Variants in NPW observed in about 807,000 individuals in gnomAD.
NPW encodes the protein neuropeptide W, also known as prepro-neuropeptide W.
In NPW, 8 loss-of-function variants were observed where a neutral mutation model predicts 9.9. That is an observed-to-expected ratio of 0.81 (90% CI 0.47 to 1.46). NPW has a LOEUF of 1.46. Ranked by LOEUF, NPW falls within the 40% of genes most tolerant of loss-of-function variation. The pLI, the probability that NPW is intolerant of heterozygous loss-of-function variation, is 0.00. For missense variants in NPW, 287 were observed against 240.3 expected (o/e 1.19, Z -1.28); for synonymous variants, 134 against 119.9 (o/e 1.12, Z -0.77).
chr16:2,020,700 C>G lies in NPW; in HGVS notation c.*81C>G, dbSNP rs1212400862. The G allele has an allele frequency of 2.4e-5, 19 of 787,736 alleles. No homozygotes were observed. In the Admixed American group the frequency reaches 4.2e-4, roughly 18 times the overall value. The allele number at this position is 787,736 out of a possible 1,614,324, so 48.8% of individuals were successfully genotyped here. A position where few individuals can be genotyped will look rare whatever the true frequency, so the allele number is the denominator to read the frequency against. ...CGCGCTTCCAGGAGCCGCTCATAGA[C>G]CCCGCCTGCCGTCCGGTCAATAAAA... is the stretch of plus-strand genomic sequence containing the variant. On this transcript the variant is annotated 3_prime_UTR_variant, in exon 2 of 2. Coordinates refer to ENST00000566435, the MANE Select transcript of NPW (RefSeq NM_001099456.3).
Position 2,019,858 on chromosome 16 carries a change from C to A in NPW, c.-44C>A. ...ACTGCGCGCCCAAACCCAGCCGAGC[C>A]GGTTCGTGGCCCGCCCCGCCGGGCG... On this transcript the variant is annotated 5_prime_UTR_variant, in exon 1 of 2. Transcript: ENST00000566435. 1 of 1,208,626 alleles carries A rather than the reference C, an allele frequency of 8.3e-7. No homozygotes were observed. Among genetic ancestry groups the A allele is most frequent in the Non-Finnish European group, 1.0e-6 (1 of 974,046 alleles). The allele number at this position is 1,208,626 out of a possible 1,614,324, so 74.9% of individuals were successfully genotyped here. A position where few individuals can be genotyped will look rare whatever the true frequency, so the allele number is the denominator to read the frequency against.
rs1050028961 is a variant in NPW at position 2,020,710 on chromosome 16, C to G, written c.*91C>G. The G allele has an allele frequency of 4.2e-6, 3 of 722,824 alleles. No individual in the cohort carries two copies. Among genetic ancestry groups the G allele is most frequent in the Admixed American group, 2.8e-5 (1 of 36,110 alleles). 44.8% of individuals were successfully genotyped at this position (722,824 alleles called of 1,614,324 possible). A position where few individuals can be genotyped will look rare whatever the true frequency, so the allele number is the denominator to read the frequency against. ...GGAGCCGCTCATAGACCCCGCCTGC[C>G]GTCCGGTCAATAAAATCCGCCTGAC... is the stretch of plus-strand genomic sequence containing the variant. On this transcript the variant is annotated 3_prime_UTR_variant, in exon 2 of 2. Transcript: ENST00000566435.
In NPW at chr16:2,020,630, C is replaced by T. The variant is rs1218573724; in HGVS notation, c.*11C>T. ...CCCGGACCGTTCTGACAGCGTCCCCCGCCCGCCCGTGGCGCCTCCGCGCCT... is the reference window on the plus strand; with the variant it reads ...CCCGGACCGTTCTGACAGCGTCCCCTGCCCGCCCGTGGCGCCTCCGCGCCT... On this transcript the variant is annotated 3_prime_UTR_variant, in exon 2 of 2. Coordinates refer to ENST00000566435, the MANE Select transcript of NPW (RefSeq NM_001099456.3). 1.9e-6 allele frequency: 3 copies of T among 1,559,932 alleles called. No homozygotes were observed. Among genetic ancestry groups the T allele is most frequent in the Non-Finnish European group, 2.6e-6 (3 of 1,140,252 alleles).
In NPW at chr16:2,020,208, C is replaced by T; in HGVS notation, c.307C>T (p.Arg103Cys). The T allele has an allele frequency of 6.3e-7, 1 of 1,594,956 alleles. No individual in the cohort carries two copies. The highest frequency in any genetic ancestry group is 8.5e-7 in the Non-Finnish European group (1 of 1,174,160). Reference sequence around the variant, plus strand: ...GGTTCAGGAGCTGTGGGAGACGCGACGCAGGAGCTCCCAGGCAGGGATCCC... The same window carrying T: ...GGTTCAGGAGCTGTGGGAGACGCGATGCAGGAGCTCCCAGGCAGGGATCCC... The change falls in exon 1 of 2, where the codon CGC becomes TGC. Residue 103 changes from arginine (R) to cysteine (C), a missense_variant. Arg to Cys is a radical substitution (Grantham distance 180). Coordinates refer to ENST00000566435, the MANE Select transcript of NPW (RefSeq NM_001099456.3).
rs765418169 is a variant in NPW at position 2,020,082 on chromosome 16, C to G, written c.181C>G (p.Leu61Val). ...CATGGGGCTGCGTCGCTCACCCTAT[C>G]TGTGGCGCCGCGCGCTGCGCGCGGC... The change falls in exon 1 of 2, where the codon CTG becomes GTG. Residue 61 changes from leucine (L) to valine (V), a missense_variant. Physicochemically the swap from Leu to Val is conservative, Grantham distance 32 (BLOSUM62 1). Transcript: ENST00000566435. 6.7e-6 allele frequency: 10 copies of G among 1,500,204 alleles called. No homozygotes were observed. Among genetic ancestry groups the G allele is most frequent in the South Asian group, 6.2e-5 (5 of 80,446 alleles). The allele number at this position is 1,500,204 out of a possible 1,614,324, so 92.9% of individuals were successfully genotyped here. A position where few individuals can be genotyped will look rare whatever the true frequency, so the allele number is the denominator to read the frequency against.
At position 2,020,214 on chromosome 16, in the gene NPW, A is replaced by G. The variant is rs1486962865; in HGVS notation, c.313A>G (p.Ser105Gly). The G allele has an allele frequency of 6.3e-7, 1 of 1,593,532 alleles. No homozygotes were observed. Among genetic ancestry groups the G allele is most frequent in the Non-Finnish European group, 8.5e-7 (1 of 1,173,508 alleles). Residue 105 changes from serine (S) to glycine (G), a missense_variant, in exon 1 of 2, where the codon AGC (serine) becomes GGC (glycine). Coordinates refer to ENST00000566435, the MANE Select transcript of NPW (RefSeq NM_001099456.3). Reference sequence around the variant, plus strand: ...GGAGCTGTGGGAGACGCGACGCAGGAGCTCCCAGGCAGGGATCCCCGTCCG... The same window carrying G: ...GGAGCTGTGGGAGACGCGACGCAGGGGCTCCCAGGCAGGGATCCCCGTCCG...
Position 2,020,660 on chromosome 16 carries a change from C to G in NPW, c.*41C>G, listed in dbSNP as rs761414696. ...GCCCGTGGCGCCTCCGCGCCTGACC[C>G]AGGAGGAGTGGCCGCGCGCTTCCAG... On this transcript the variant is annotated 3_prime_UTR_variant, in exon 2 of 2. Transcript: ENST00000566435. 1 of 1,342,598 alleles carries G rather than the reference C, an allele frequency of 7.4e-7. No individual in the cohort carries two copies. The highest frequency in any genetic ancestry group is 1.0e-6 in the Non-Finnish European group (1 of 958,040). 83.2% of individuals were successfully genotyped at this position (1,342,598 alleles called of 1,614,324 possible).
intron 1 of NPW, 42 bp from the exon 2 acceptor site, chr16:2,020,491 G>A: frequency 6.9e-7 from 1 of 1,455,394 alleles, no homozygotes; most frequent in South Asian, 1.2e-5. Context: ...GTGGTTGGAG[G>A]GCCACAGCCT....
In NPW at chr16:2,020,613, G is replaced by C; in HGVS notation, c.492G>C (p.Pro164=). The C allele has an allele frequency of 2.5e-6, 4 of 1,587,990 alleles. No individual in the cohort carries two copies. Among genetic ancestry groups the C allele is most frequent in the Non-Finnish European group, 3.4e-6 (4 of 1,163,224 alleles). ...GCCTGCCCTGCCTGGCCCCCGGACC[G>C]TTCTGACAGCGTCCCCCGCCCGCCC... The change falls in exon 2 of 2, where the codon CCG becomes CCC. Residue 164 remains proline (P), a synonymous_variant. Coordinates refer to ENST00000566435, the MANE Select transcript of NPW (RefSeq NM_001099456.3).
chr16:2,020,659 C>A lies in NPW; in HGVS notation c.*40C>A. On this transcript the variant is annotated 3_prime_UTR_variant, in exon 2 of 2. Coordinates refer to ENST00000566435, the MANE Select transcript of NPW (RefSeq NM_001099456.3). ...CGCCCGTGGCGCCTCCGCGCCTGAC[C>A]CAGGAGGAGTGGCCGCGCGCTTCCA... is the stretch of plus-strand genomic sequence containing the variant. 7.4e-7 allele frequency: 1 copy of A among 1,355,686 alleles called. No homozygotes were observed. The highest frequency in any genetic ancestry group is 1.0e-6 in the Non-Finnish European group (1 of 969,790). The allele number at this position is 1,355,686 out of a possible 1,614,324, so 84.0% of individuals were successfully genotyped here. A position where few individuals can be genotyped will look rare whatever the true frequency, so the allele number is the denominator to read the frequency against.
chr16:2,019,907 G>T lies in NPW; in HGVS notation c.6G>T (p.Ala2=). 5 of 1,243,848 alleles carry T rather than the reference G, an allele frequency of 4.0e-6. No homozygotes were observed. The highest frequency in any genetic ancestry group is 5.0e-6 in the Non-Finnish European group (5 of 995,750). The allele number at this position is 1,243,848 out of a possible 1,614,324, so 77.1% of individuals were successfully genotyped here. Reference sequence around the variant, plus strand: ...CGGCCGTCGACGCGAGCGCCCTGGCGTGGCGCCCAGGGGAGCGGGGGGCTC... The same window carrying T: ...CGGCCGTCGACGCGAGCGCCCTGGCTTGGCGCCCAGGGGAGCGGGGGGCTC... Residue 2 remains alanine, a synonymous_variant, in exon 1 of 2, where the codon GCG becomes GCT. Coordinates refer to ENST00000566435, the MANE Select transcript of NPW (RefSeq NM_001099456.3).
rs1318851603 is a variant in NPW, at chr16:2,020,025, T to C, written c.124T>C (p.Tyr42His). 12 of 1,501,180 alleles carry C rather than the reference T, an allele frequency of 8.0e-6. No homozygotes were observed. Among genetic ancestry groups the C allele is most frequent in the African/African-American group, 1.5e-5 (1 of 68,918 alleles). The allele number at this position is 1,501,180 out of a possible 1,614,324, so 93.0% of individuals were successfully genotyped here. ...GTACAAGCACGTGGCGAGTCCCCGC[T>C]ACCACACGGTGGGCCGCGCCGCTGG... Residue 42 changes from tyrosine to histidine, a missense_variant, in exon 1 of 2, where the codon TAC (tyrosine) becomes CAC (histidine). Coordinates refer to ENST00000566435, the MANE Select transcript of NPW (RefSeq NM_001099456.3).
chr16:2,020,464 C>T, intron 1 of NPW, 69 bp from the exon 2 acceptor site: 1 of 1,377,596 alleles, frequency 7.3e-7, no homozygotes, highest in East Asian at 2.4e-5. Flanking sequence ...CAGGCTCGAC[C>T]CTGGCACCCG....
chr16:2,020,248 G>A lies in NPW; in HGVS notation c.347G>A (p.Arg116Gln). ...GCAGGGATCCCCGTCCGTGCGCCCC[G>A]GAGCCCGCGCGCCCCAGAGCCTGCG... The change falls in exon 1 of 2, where the codon CGG (arginine) becomes CAG (glutamine). Residue 116 changes from arginine (R) to glutamine (Q), a missense_variant. By Grantham distance (43) the Arg-to-Gln change is conservative (BLOSUM62 1). Coordinates refer to ENST00000566435, the MANE Select transcript of NPW (RefSeq NM_001099456.3). 6.4e-7 allele frequency: 1 copy of A among 1,557,764 alleles called. No individual in the cohort carries two copies.
chr16:2,020,054 G>A lies in NPW; in HGVS notation c.153G>A (p.Leu51=), dbSNP rs1286134900. 6.6e-7 allele frequency: 1 copy of A among 1,505,708 alleles called. No homozygotes were observed. Among genetic ancestry groups the A allele is most frequent in the Non-Finnish European group, 8.8e-7 (1 of 1,133,848 alleles). 93.3% of individuals were successfully genotyped at this position (1,505,708 alleles called of 1,614,324 possible). A position where few individuals can be genotyped will look rare whatever the true frequency, so the allele number is the denominator to read the frequency against. The stretch of plus-strand genomic sequence containing the variant: ...ACACGGTGGGCCGCGCCGCTGGCCT[G>A]CTCATGGGGCTGCGTCGCTCACCCT... Residue 51 remains leucine (L), a synonymous_variant, in exon 1 of 2, where the codon CTG becomes CTA. Coordinates refer to ENST00000566435, the MANE Select transcript of NPW (RefSeq NM_001099456.3).
chr16:2,020,163 C>A lies in NPW; in HGVS notation c.262C>A (p.Pro88Thr), dbSNP rs2286471. Residue 88 changes from proline (P) to threonine (T), a missense_variant, in exon 1 of 2, where the codon CCT becomes ACT. By Grantham distance (38) the Pro-to-Thr change is conservative. Transcript: ENST00000566435. ...CCCCGAACCCGCAGCCCGCGAGGCT[C>A]CTCTCCTGCTGCCCTCGTGGGTTCA... 3 of 1,583,998 alleles carry A rather than the reference C, an allele frequency of 1.9e-6. No individual in the cohort carries two copies. Among genetic ancestry groups the A allele is most frequent in the Non-Finnish European group, 2.6e-6 (3 of 1,167,780 alleles).
chr16:2,020,174 G>A lies in NPW; in HGVS notation c.273G>A (p.Leu91=). The A allele has an allele frequency of 6.3e-7, 1 of 1,593,624 alleles. No individual in the cohort carries two copies. ...CAGCCCGCGAGGCTCCTCTCCTGCT[G>A]CCCTCGTGGGTTCAGGAGCTGTGGG... Residue 91 remains leucine (L), a synonymous_variant, in exon 1 of 2, where the codon CTG becomes CTA. Coordinates refer to ENST00000566435, the MANE Select transcript of NPW (RefSeq NM_001099456.3).
Position 2,020,038 on chromosome 16 carries a change from G to A in NPW, c.137G>A (p.Gly46Asp). 1 of 1,501,668 alleles carries A rather than the reference G, an allele frequency of 6.7e-7. No homozygotes were observed. Among genetic ancestry groups the A allele is most frequent in the Non-Finnish European group, 8.8e-7 (1 of 1,131,694 alleles). The allele number at this position is 1,501,668 out of a possible 1,614,324, so 93.0% of individuals were successfully genotyped here. ...GCGAGTCCCCGCTACCACACGGTGG[G>A]CCGCGCCGCTGGCCTGCTCATGGGG... is the stretch of plus-strand genomic sequence containing the variant. Residue 46 changes from glycine to aspartate, a missense_variant, in exon 1 of 2, where the codon GGC becomes GAC. Physicochemically the swap from Gly to Asp is moderately conservative, Grantham distance 94. Transcript: ENST00000566435.
In NPW at chr16:2,020,291, G is replaced by A. The variant is rs1029237878; in HGVS notation, c.390G>A (p.Leu130=). ...AGCCTGCGCTGGAACCGGAGTCCCT[G>A]GACTTCAGCGGAGCTGGCCAGGTAC... The change falls in exon 1 of 2, where the codon CTG becomes CTA. Residue 130 remains leucine (L), a synonymous_variant. Coordinates refer to ENST00000566435, the MANE Select transcript of NPW (RefSeq NM_001099456.3). 1.3e-6 allele frequency: 2 copies of A among 1,518,288 alleles called. 1 individual carries two copies. The highest frequency in any genetic ancestry group is 2.4e-5 in the South Asian group (2 of 82,366). 94.1% of individuals were successfully genotyped at this position (1,518,288 alleles called of 1,614,324 possible). A position where few individuals can be genotyped will look rare whatever the true frequency, so the allele number is the denominator to read the frequency against.
Sources: gnomAD v4.1 joint callset for allele counts on GRCh38, gnomAD v4.1.1 for gene constraint, MANE v1.5 for transcripts, NCBI Gene and HGNC (gene_info 2026-07-23, HGNC 2026-07-21) for gene names.